The following CACNA1C variants were observed in gnomAD, a reference collection of about 807,000 sequenced individuals.
CACNA1C encodes the protein voltage-dependent L-type calcium channel subunit alpha-1C.
CACNA1C carries 30 observed loss-of-function variants against 229.0 expected under a neutral mutation model. The ratio of observed to expected loss-of-function variants is 0.13; its 90% confidence interval spans 0.10 to 0.18. The LOEUF (loss-of-function observed/expected upper bound fraction) is 0.18, where lower values mean the gene tolerates loss of function less well. CACNA1C is among the 10% of genes least tolerant of loss of function. The probability of loss-of-function intolerance (pLI) is 1.00; values close to 1 mark genes in which losing one functional copy is unlikely to be tolerated. For missense variants in CACNA1C, 1,658 were observed against 2,845.0 expected (o/e 0.58, Z 9.49); for synonymous variants, 1,114 against 1,132.5 (o/e 0.98, Z 0.33).
At chr12:2,254,863 C>T (rs1030134138) in intron 3 of CACNA1C, among the ~76,000 whole-genome samples, 2 of 152,160 alleles carry the variant, frequency 1.3e-5, no homozygotes, top group East Asian at 3.9e-4. Context: ...TTTTCATATC[C>T]CCCCGTCCTC....
chr12:2,644,562 C>G (rs895376073), intron 30 of CACNA1C, among the ~76,000 whole-genome samples: 1 of 152,114 alleles, frequency 6.6e-6, no homozygotes, highest in African/African-American at 2.4e-5. Flanking sequence ...ATGTGGCAAC[C>G]AGGAAACACA....
intron 5 of CACNA1C, among the ~76,000 whole-genome samples, chr12:2,460,032 C>T (rs1324435040): frequency 6.6e-6 from 1 of 152,236 alleles, no homozygotes; most frequent in Non-Finnish European, 1.5e-5. Flanking sequence ...ACACCTGGCT[C>T]ATGGCACCTG....
Position 2,181,941 on chromosome 12 carries a change from A to G in CACNA1C, c.477+61511A>G, listed in dbSNP as rs1369902606. Among the ~76,000 whole-genome samples, 1 of 152,010 alleles carries G rather than the reference A, an allele frequency of 6.6e-6. No homozygotes were observed. The highest frequency in any genetic ancestry group is 2.4e-5 in the African/African-American group (1 of 41,368). ...CTGATTCTGGATTACTCATTAATGT[A>G]GAACTCCGACCAGTGGGTGGAGGGT... On this transcript the variant is annotated intron_variant, in intron 3 of 46. Transcript: ENST00000399655. The surrounding 1 kb of genome is among the most constrained non-coding windows in gnomAD (Gnocchi z 4.0).
intron 3 of CACNA1C, among the ~76,000 whole-genome samples, chr12:2,192,358 G>A (rs965176200): frequency 6.6e-6 from 1 of 152,144 alleles, no homozygotes; most frequent in Non-Finnish European, 1.5e-5. Flanking sequence ...ATACAGAGCA[G>A]TTCAGCCCTC....
chr12:2,157,135 C>T (rs368922492), intron 3 of CACNA1C, among the ~76,000 whole-genome samples: 10 of 152,134 alleles, frequency 6.6e-5, no homozygotes, highest in Admixed American at 4.6e-4. Flanking sequence ...TTAGAAAATG[C>T]TAAGAGTAGA....
intron 3 of CACNA1C, among the ~76,000 whole-genome samples, chr12:2,383,933 T>G (rs988875140): frequency 3.3e-5 from 5 of 152,254 alleles, no homozygotes. Flanking sequence ...TCATCCTGGC[T>G]TCCCTTTCTG....
rs566860461 is a variant in CACNA1C, at chr12:2,319,482, C to A, written c.478-129494C>A. Among the ~76,000 whole-genome samples, 3 of 152,188 alleles carry A rather than the reference C, an allele frequency of 2.0e-5. No homozygotes were observed. Among genetic ancestry groups the A allele is most frequent in the African/African-American group, 4.8e-5 (2 of 41,530 alleles). On this transcript the variant is annotated intron_variant, in intron 3 of 46. Coordinates refer to ENST00000399655, the MANE Select transcript of CACNA1C (RefSeq NM_000719.7). The surrounding 1 kb of genome is among the most constrained non-coding windows in gnomAD (Gnocchi z 4.0). ...TCGCTCCCACGCCACAGCCCCAGGC[C>A]CCAGGCCCCTGACACCCTGGCTCCG...
intron 11 of CACNA1C, among the ~76,000 whole-genome samples, chr12:2,565,442 C>G (rs921642287): frequency 6.9e-6 from 1 of 144,846 alleles, no homozygotes; most frequent in Non-Finnish European, 1.5e-5. Flanking sequence ...AGTCCGCAGT[C>G]CGGCCTGGGC....
intron 3 of CACNA1C, among the ~76,000 whole-genome samples, chr12:2,342,715 G>A (rs1014157270): frequency 2.0e-5 from 3 of 152,188 alleles, no homozygotes; most frequent in African/African-American, 7.2e-5. Flanking sequence ...CCATCATTTT[G>A]AACATCAGTG....
At chr12:2,216,151 G>A (rs578005602) in intron 3 of CACNA1C, among the ~76,000 whole-genome samples, 14 of 152,204 alleles carry the variant, frequency 9.2e-5, no homozygotes, top group Non-Finnish European at 2.1e-4. Flanking sequence ...GGGCAAGAGC[G>A]AGGGGAGGCC....
intron 3 of CACNA1C, among the ~76,000 whole-genome samples, chr12:2,399,381 C>T (rs1455831089): frequency 6.6e-6 from 1 of 152,148 alleles, no homozygotes; most frequent in East Asian, 1.9e-4. Flanking sequence ...TCAGGTCACA[C>T]AGATGTGAAG....
intron 29 of CACNA1C, among the ~76,000 whole-genome samples, chr12:2,620,909 C>T (rs1377461253): frequency 2.6e-5 from 4 of 152,248 alleles, no homozygotes; most frequent in Admixed American, 1.3e-4. Flanking sequence ...ATTGTGAGCC[C>T]GGAAAAGAAA....
At chr12:1,990,287 A>T (rs1029650016) in intron 1 of CACNA1C, among the ~76,000 whole-genome samples, 1 of 152,264 alleles carries the variant, frequency 6.6e-6, no homozygotes, top group Non-Finnish European at 1.5e-5. Flanking sequence ...AAATGAATGA[A>T]TGAAATGTTT....
chr12:2,147,983 C>T (rs1449983518), intron 3 of CACNA1C, among the ~76,000 whole-genome samples: 2 of 151,238 alleles, frequency 1.3e-5, no homozygotes, highest in East Asian at 1.9e-4. Context: ...ATTTATGCAA[C>T]TTCTAGGCTT....
chr12:2,465,780 G>A (rs762463789), intron 5 of CACNA1C, among the ~76,000 whole-genome samples: 1 of 152,014 alleles, frequency 6.6e-6, no homozygotes, highest in Non-Finnish European at 1.5e-5. Flanking sequence ...GGAGGTTCAC[G>A]AACCCACCCG....
At chr12:2,248,070 G>A (rs775368472) in intron 3 of CACNA1C, among the ~76,000 whole-genome samples, 2 of 152,104 alleles carry the variant, frequency 1.3e-5, no homozygotes, top group Non-Finnish European at 2.9e-5. Context: ...ATGTATATAT[G>A]TGTGTGTGTG....
In CACNA1C at chr12:2,654,793, T is replaced by A. The variant is rs1305703194; in HGVS notation, c.4141-354T>A. The stretch of plus-strand genomic sequence containing the variant: ...CAAGAACTAAATTTGAAAGAGTGCT[T>A]GGACATGCAGAACTGAAATAGCAAA... On this transcript the variant is annotated intron_variant, in intron 33 of 46. Transcript: ENST00000399655. This position sits in a 1 kb window ranked among gnomAD's most constrained non-coding sequence, Gnocchi z 4.4. Among the ~76,000 whole-genome samples the A allele has an allele frequency of 1.3e-5, 2 of 152,188 alleles. No homozygotes were observed. The highest frequency in any genetic ancestry group is 4.8e-5 in the African/African-American group (2 of 41,442).
At chr12:2,347,761 C>T (rs2097089429) in intron 3 of CACNA1C, among the ~76,000 whole-genome samples, 1 of 152,236 alleles carries the variant, frequency 6.6e-6, no homozygotes, top group Admixed American at 6.5e-5. Context: ...CATGCCTGAG[C>T]TTGGACACTA....
chr12:1,994,766 C>T (rs1195553874), intron 1 of CACNA1C, among the ~76,000 whole-genome samples: 1 of 152,168 alleles, frequency 6.6e-6, no homozygotes, highest in South Asian at 2.1e-4. Flanking sequence ...CAGGATCTCA[C>T]CTCTTTAATA....
Sources: gnomAD v4.1 joint callset for allele counts (sites outside exome capture counted in the v4.1 genomes callset) on GRCh38, gnomAD v4.1.1 for gene constraint, Gnocchi (gnomAD v3.1) non-coding constraint, MANE v1.5 for transcripts, NCBI Gene and HGNC (gene_info 2026-07-23, HGNC 2026-07-21) for gene names.